Variants in DGLUCY observed in about 807,000 individuals in gnomAD.
DGLUCY encodes the protein D-glutamate cyclase, mitochondrial.
A neutral mutation model predicts 58.5 loss-of-function variants in DGLUCY; 58 were observed. That is an observed-to-expected ratio of 0.99 (90% CI 0.80 to 1.23). The LOEUF (loss-of-function observed/expected upper bound fraction) is 1.23, where lower values mean the gene tolerates loss of function less well. DGLUCY is among the 50% of genes most tolerant of loss of function. The pLI, the probability that DGLUCY is intolerant of heterozygous loss-of-function variation, is 0.00. For synonymous variants in DGLUCY, 325 were observed against 314.1 expected (o/e 1.03, Z -0.37); for missense variants, 779 against 784.7 (o/e 0.99, Z 0.09).
At position 91,225,027 on chromosome 14, in the gene DGLUCY, A is replaced by C; in HGVS notation, c.*194A>C. The C allele has an allele frequency of 3.9e-6, 2 of 510,652 alleles. No individual in the cohort carries two copies. The highest frequency in any genetic ancestry group is 4.5e-5 in the South Asian group (1 of 22,432). 31.6% of individuals were successfully genotyped at this position (510,652 alleles called of 1,614,324 possible). A position where few individuals can be genotyped will look rare whatever the true frequency, so the allele number is the denominator to read the frequency against. On this transcript the variant is annotated 3_prime_UTR_variant, in exon 14 of 14. Coordinates refer to ENST00000256324, the MANE Select transcript of DGLUCY (RefSeq NM_001102368.3). ...GCAGGTGCTGTGGACAAAGGACAAC[A>C]TTTCTCTGGGGCTTTTTAACTTTTA...
At chr14:91,158,358 C>T (rs1174231621) in intron 2 of DGLUCY, among the ~76,000 whole-genome samples, 1 of 152,226 alleles carries the variant, frequency 6.6e-6, no homozygotes, top group Non-Finnish European at 1.5e-5. Context: ...GTGTTCTCTC[C>T]CCTGTGTCCC....
At chr14:91,205,905 A>G (rs190543746) in intron 12 of DGLUCY, among the ~76,000 whole-genome samples, 2 of 122,610 alleles carry the variant, frequency 1.6e-5, no homozygotes, top group East Asian at 5.0e-4. Context: ...CAGTAGTGCC[A>G]TCTTGGTCGC....
At chr14:91,110,622 G>A (rs1229642903), upstream of DGLUCY, among the ~76,000 whole-genome samples, 1 of 151,856 alleles carries the variant, frequency 6.6e-6, no homozygotes, top group Admixed American at 6.6e-5. Context: ...GTAGAGACAA[G>A]GGTACTCCAT....
At chr14:91,150,432 A>G (rs1478859512) in intron 1 of DGLUCY, among the ~76,000 whole-genome samples, 1 of 151,916 alleles carries the variant, frequency 6.6e-6, no homozygotes, top group African/African-American at 2.4e-5. Flanking sequence ...TTTGAAACTA[A>G]ACATTTAATG....
At chr14:91,204,868 G>T (rs769265676) in intron 12 of DGLUCY, 43 bp downstream of exon 12, 2 of 1,612,356 alleles carry the variant, frequency 1.2e-6, no homozygotes, top group Admixed American at 1.7e-5. Context: ...GCTACCCAGG[G>T]TGAGCGACCT....
chr14:91,139,406 C>T lies in DGLUCY; in HGVS notation c.-81-18233C>T, dbSNP rs117003697. Among the ~76,000 whole-genome samples, 1,098 of 152,262 alleles carry T rather than the reference C, an allele frequency of 7.2e-3. 6 individuals are homozygous for T. Among genetic ancestry groups the T allele is most frequent in the Non-Finnish European group, 0.011 (763 of 68,024 alleles). On this transcript the variant is annotated intron_variant, in intron 1 of 13. Coordinates refer to ENST00000256324, the MANE Select transcript of DGLUCY (RefSeq NM_001102368.3). ...CAGATGTACCCAGAAATAACCAGAC[C>T]GGGCGTGTTGGCTCATACCTGTAAT...
chr14:91,091,507 A>C (rs2044310401), intron 1 of DGLUCY, among the ~76,000 whole-genome samples: 1 of 152,108 alleles, frequency 6.6e-6, no homozygotes, highest in Non-Finnish European at 1.5e-5. Context: ...GGGCGACAAA[A>C]ATAAATAAAT....
At chr14:91,150,479 TC>T (rs928230987) in intron 1 of DGLUCY, among the ~76,000 whole-genome samples, 3 of 151,922 alleles carry the variant, frequency 2.0e-5, no homozygotes, top group African/African-American at 7.3e-5. Context: ...TGTCTCACTG[TC>T]CCCCAGGCTG....
intron 1 of DGLUCY, among the ~76,000 whole-genome samples, chr14:91,089,241 G>A (rs2140061614): frequency 6.6e-6 from 1 of 152,264 alleles, no homozygotes; most frequent in East Asian, 1.9e-4. Flanking sequence ...TTTTGATGAT[G>A]GAAACTGCCA....
At chr14:91,097,654 G>A (rs1014826125) in intron 1 of DGLUCY, among the ~76,000 whole-genome samples, 4 of 150,574 alleles carry the variant, frequency 2.7e-5, no homozygotes, top group Admixed American at 6.6e-5. Flanking sequence ...TCTACTTGGC[G>A]ATCAAGGACC....
intron 1 of DGLUCY, among the ~76,000 whole-genome samples, chr14:91,065,769 A>G (rs995939371): frequency 6.6e-6 from 1 of 152,186 alleles, no homozygotes; most frequent in African/African-American, 2.4e-5. Context: ...GAAAATTATA[A>G]ATGAGTAGCT....
rs146234967 is a variant in DGLUCY at position 91,167,612 on chromosome 14, C to T, written c.257+234C>T. On this transcript the variant is annotated intron_variant, in intron 4 of 13. Transcript: ENST00000256324. ...AGATCTTTGAGATCATGGAGAAAGT[C>T]CAGCCCTGGAGAAATCCCACTGGCT... is the stretch of plus-strand genomic sequence containing the variant. 1,589 of 718,786 alleles carry T rather than the reference C, an allele frequency of 2.2e-3. 3 individuals are homozygous for T. The highest frequency in any genetic ancestry group is 3.1e-3 in the Non-Finnish European group (1,246 of 399,140). 44.5% of individuals were successfully genotyped at this position (718,786 alleles called of 1,614,324 possible). A position where few individuals can be genotyped will look rare whatever the true frequency, so the allele number is the denominator to read the frequency against.
intron 1 of DGLUCY, among the ~76,000 whole-genome samples, chr14:91,124,251 G>C (rs1284223766): frequency 2.0e-5 from 3 of 152,168 alleles, no homozygotes. Flanking sequence ...AAAAGCAGCA[G>C]ACCCAGCTAA....
chr14:91,113,349 G>A (rs2044744378), upstream of DGLUCY, among the ~76,000 whole-genome samples: 1 of 151,956 alleles, frequency 6.6e-6, no homozygotes, highest in Non-Finnish European at 1.5e-5. Context: ...ACTGCACGAG[G>A]TTCAGTGCTC....
At chr14:91,114,811 G>C (rs2044813407) in intron 1 of DGLUCY, 1 of 152,340 alleles carries the variant, frequency 6.6e-6, no homozygotes, top group Non-Finnish European at 1.5e-5. Context: ...TGAGGTAGCG[G>C]CCAGGCTGAT....
At chr14:91,155,399 T>C (rs908145673) in intron 1 of DGLUCY, among the ~76,000 whole-genome samples, 3 of 152,224 alleles carry the variant, frequency 2.0e-5, no homozygotes, top group African/African-American at 7.2e-5. Flanking sequence ...TACTGTGATA[T>C]TATGAGATAT....
upstream of DGLUCY, among the ~76,000 whole-genome samples, chr14:91,106,050 G>A (rs138590443): frequency 5.4e-3 from 817 of 152,306 alleles, 4 homozygotes; most frequent in Middle Eastern, 0.017. Context: ...GCTCATGCCT[G>A]TAATCCCAGC....
rs2048827459 is a variant in DGLUCY at position 91,175,941 on chromosome 14, G to A, written c.615G>A (p.Leu205=). The part of the protein sequence containing the change: ...QPVHMGDPEL[L]GIKELSKPAY... ...TTCCTTTTCCATCTGCAGAACTGTT[G>A]GGAATCAAAGAGCTTTCCAAACCTG... The change falls in exon 7 of 14, where the codon TTG becomes TTA. Residue 205 remains leucine (L), a synonymous_variant. Transcript: ENST00000256324. 1 of 1,613,832 alleles carries A rather than the reference G, an allele frequency of 6.2e-7. No individual in the cohort carries two copies.
exon 1 of DGLUCY, chr14:91,060,347 G>A: frequency 4.1e-6 from 6 of 1,453,374 alleles, no homozygotes; most frequent in African/African-American, 1.5e-5. Flanking sequence ...CGCAGCTCGT[G>A]CTTGACAGTG....
Sources: gnomAD v4.1 joint callset for allele counts (sites outside exome capture counted in the v4.1 genomes callset) on GRCh38, gnomAD v4.1.1 for gene constraint, MANE v1.5 for transcripts, NCBI Gene and HGNC (gene_info 2026-07-23, HGNC 2026-07-21) for gene names.